CAPN13: variants seen among roughly 807,000 people sequenced by gnomAD.
CAPN13 encodes calpain-13.
CAPN13 carries 90 observed loss-of-function variants against 98.4 expected under a neutral mutation model. That is an observed-to-expected ratio of 0.92 (90% CI 0.77 to 1.09). CAPN13 has a LOEUF of 1.09. Among genes scored for constraint, CAPN13 ranks in the 50% least tolerant of loss-of-function variants. The pLI is 0.00. For missense variants in CAPN13, 887 were observed against 841.3 expected (o/e 1.05, Z -0.67); for synonymous variants, 330 against 305.5 (o/e 1.08, Z -0.84).
Position 30,777,577 on chromosome 2 carries a change from T to C in CAPN13, c.261A>G (p.Gln87=). 1 of 1,576,810 alleles carries C rather than the reference T, an allele frequency of 6.3e-7. No homozygotes were observed. Among genetic ancestry groups the C allele is most frequent in the Non-Finnish European group, 8.6e-7 (1 of 1,159,602 alleles). Residue 87 remains glutamine, a synonymous_variant, in exon 3 of 23, where the codon CAA becomes CAG. Transcript: ENST00000295055. ...LDDISRFDIQ[Q]GGAADCWFLA... ...ATGTTGCACTCTTACCTGCGCCTCC[T>C]TGTTGGATGTCAAATCTGCTTATAT...
chr2:30,798,670 GAAC>G (rs536810754), intron 1 of CAPN13, among the ~76,000 whole-genome samples: 43 of 152,290 alleles, frequency 2.8e-4, no homozygotes, highest in African/African-American at 9.9e-4. Flanking sequence ...GTGTTTTTCA[GAAC>G]AATGGAAATA....
At chr2:30,769,138 A>G (rs982162619) in intron 5 of CAPN13, among the ~76,000 whole-genome samples, 1 of 152,126 alleles carries the variant, frequency 6.6e-6, no homozygotes, top group African/African-American at 2.4e-5. Context: ...CATGAAGTGT[A>G]CCCACCCATT....
chr2:30,792,254 T>G (rs929555552), intron 1 of CAPN13, among the ~76,000 whole-genome samples: 5 of 151,696 alleles, frequency 3.3e-5, no homozygotes, highest in African/African-American at 1.2e-4. Flanking sequence ...ACAGATAAAA[T>G]GAGCAAAGCA....
At chr2:30,723,950 C>G (rs1332732091) in intron 22 of CAPN13, among the ~76,000 whole-genome samples, 1 of 152,182 alleles carries the variant, frequency 6.6e-6, no homozygotes, top group Non-Finnish European at 1.5e-5. Flanking sequence ...TGTCCCATTT[C>G]TATCCAAATT....
rs377429579 is a variant in CAPN13, at chr2:30,775,925, C to T, written c.387+5G>A. 48 of 1,602,684 alleles carry T rather than the reference C, an allele frequency of 3.0e-5. No individual in the cohort carries two copies. The highest frequency in any genetic ancestry group is 1.8e-4 in the East Asian group (8 of 44,490). ...ATATAATGAGCGCTGCAAGGGCACA[C>T]GTACCCGGAAACGGAAAATGCCAGC... On this transcript the variant is annotated splice_donor_5th_base_variant and intron_variant, in intron 4 of 22. Transcript: ENST00000295055.
chr2:30,785,899 T>TA (rs5830185), intron 2 of CAPN13, among the ~76,000 whole-genome samples: 16,636 of 152,194 alleles, frequency 0.11, 2,793 homozygotes, highest in African/African-American at 0.36. Flanking sequence ...GTTGAGGACT[T>TA]ACTGCCAATG....
chr2:30,767,940 G>A (rs1001189080), intron 5 of CAPN13, among the ~76,000 whole-genome samples: 7 of 152,116 alleles, frequency 4.6e-5, no homozygotes, highest in Non-Finnish European at 7.4e-5. Flanking sequence ...GCTTAACTAC[G>A]TGCACCTGCC....
chr2:30,748,544 T>A (rs1672025734), intron 11 of CAPN13, among the ~76,000 whole-genome samples: 1 of 151,966 alleles, frequency 6.6e-6, no homozygotes, highest in Non-Finnish European at 1.5e-5. Context: ...TGACTGAGTG[T>A]GTGTGTGTGT....
Position 30,730,857 on chromosome 2 carries a change from C to T in CAPN13, c.1984-71G>A, listed in dbSNP as rs1671047010. 3.9e-6 allele frequency: 3 copies of T among 776,812 alleles called. No homozygotes were observed. The South Asian group carries it at 4.1e-5, about 11-fold the overall frequency. 48.1% of individuals were successfully genotyped at this position (776,812 alleles called of 1,614,324 possible). ...GCTTAATACAGAGCAGGGCAAATGC[C>T]ACCCTCCTCCCTCGGAAGACCTCAG... is the stretch of plus-strand genomic sequence containing the variant. On this transcript the variant is annotated intron_variant, in intron 21 of 22. Coordinates refer to ENST00000295055, the MANE Select transcript of CAPN13 (RefSeq NM_144575.3).
At chr2:30,741,815 T>C in intron 15 of CAPN13, 93 bp downstream of exon 15, 1 of 1,598,442 alleles carries the variant, frequency 6.3e-7, no homozygotes, top group Non-Finnish European at 8.5e-7. Context: ...ACTTCTCCTC[T>C]CTGCATCCCA....
At chr2:30,793,075 C>A (rs898291044) in intron 1 of CAPN13, among the ~76,000 whole-genome samples, 9 of 151,784 alleles carry the variant, frequency 5.9e-5, no homozygotes, top group Non-Finnish European at 3.0e-5. Context: ...AGTGCATTTT[C>A]TTCCCTTTAC....
chr2:30,766,436 C>T (rs1175282181), intron 5 of CAPN13, among the ~76,000 whole-genome samples: 5 of 152,242 alleles, frequency 3.3e-5, no homozygotes, highest in Non-Finnish European at 5.9e-5. Flanking sequence ...GTCCCAGCAG[C>T]AGCTGGGTGT....
intron 1 of CAPN13, among the ~76,000 whole-genome samples, chr2:30,800,195 A>T (rs1019730943): frequency 6.6e-6 from 1 of 152,090 alleles, no homozygotes; most frequent in Non-Finnish European, 1.5e-5. Context: ...AAAGAAAACT[A>T]CGTAGACCTG....
intron 1 of CAPN13, among the ~76,000 whole-genome samples, chr2:30,792,882 G>T (rs1434479361): frequency 6.6e-6 from 1 of 151,740 alleles, no homozygotes; most frequent in African/African-American, 2.4e-5. Flanking sequence ...TCATAAGTTG[G>T]GTTTATTTCA....
intron 1 of CAPN13, among the ~76,000 whole-genome samples, chr2:30,794,651 C>T (rs769325617): frequency 1.3e-5 from 2 of 151,824 alleles, no homozygotes; most frequent in Non-Finnish European, 3.0e-5. Context: ...CAATGTCCAT[C>T]AAAAGTGAAT....
chr2:30,778,267 C>T (rs1673803435), intron 2 of CAPN13, among the ~76,000 whole-genome samples: 1 of 152,106 alleles, frequency 6.6e-6, no homozygotes, highest in Non-Finnish European at 1.5e-5. Flanking sequence ...CACATAGTGC[C>T]TGCCAGCCAG....
chr2:30,798,035 G>A (rs1409719713), intron 1 of CAPN13, among the ~76,000 whole-genome samples: 1 of 152,246 alleles, frequency 6.6e-6, no homozygotes, highest in South Asian at 2.1e-4. Flanking sequence ...GGTGGAAGGA[G>A]TCAGAAATTT....
intron 19 of CAPN13, 49 bp downstream of exon 19, chr2:30,734,399 AC>A: frequency 4.8e-6 from 7 of 1,456,140 alleles, no homozygotes; most frequent in East Asian, 2.3e-5. Flanking sequence ...TGTGGGCATC[AC>A]CCCCCTCCCC....
intron 17 of CAPN13, chr2:30,737,657 T>C: frequency 6.3e-6 from 1 of 157,962 alleles, no homozygotes; most frequent in Non-Finnish European, 1.4e-5. Context: ...TTCCATGTTT[T>C]GGTGGTAGTT....
Sources: gnomAD v4.1 joint callset for allele counts (sites outside exome capture counted in the v4.1 genomes callset) on GRCh38, gnomAD v4.1.1 for gene constraint, MANE v1.5 for transcripts, NCBI Gene and HGNC (gene_info 2026-07-23, HGNC 2026-07-21) for gene names.